CDH13: variants seen among roughly 807,000 people sequenced by gnomAD.
CDH13 encodes cadherin-13.
Under a neutral mutation model 63.8 loss-of-function variants are expected in CDH13, and 24 were observed. The ratio of observed to expected loss-of-function variants is 0.38; its 90% CI spans 0.27 to 0.53. The LOEUF (loss-of-function observed/expected upper bound fraction) is 0.53, where lower values mean the gene tolerates loss of function less well. Ranked by LOEUF, CDH13 falls within the 20% of genes least tolerant of loss-of-function variation. The probability of loss-of-function intolerance (pLI) is 0.85; values close to 1 mark genes in which losing one functional copy is unlikely to be tolerated. For synonymous variants in CDH13, 503 were observed against 355.3 expected, an observed-to-expected ratio of 1.42 and a Z score of -4.67; for missense variants, 1,049 against 903.1, an observed-to-expected ratio of 1.16 and a Z score of -2.07.
At chr16:82,776,960 C>T (rs1453630247) in intron 1 of CDH13, among the ~76,000 whole-genome samples, 1 of 152,188 alleles carries the variant, frequency 6.6e-6, no homozygotes, top group African/African-American at 2.4e-5. Context: ...TCACAGACAT[C>T]TCATTTACAT....
At chr16:83,491,862 C>T (rs1050262986) in intron 7 of CDH13, among the ~76,000 whole-genome samples, 1 of 152,080 alleles carries the variant, frequency 6.6e-6, no homozygotes, top group Non-Finnish European at 1.5e-5. Flanking sequence ...CTTTATAATG[C>T]CCAAATTTTT....
At chr16:83,781,895 T>A (rs1915548527) in intron 12 of CDH13, among the ~76,000 whole-genome samples, 1 of 150,328 alleles carries the variant, frequency 6.7e-6, no homozygotes, top group South Asian at 2.1e-4. Flanking sequence ...GTAACAAACC[T>A]GCACATCCTG....
chr16:83,186,443 C>T (rs111238390), intron 4 of CDH13, among the ~76,000 whole-genome samples: 1,877 of 152,186 alleles, frequency 0.012, 29 homozygotes, highest in African/African-American at 0.042. Flanking sequence ...GGCCTAATGG[C>T]ATCTTAGTCA....
intron 7 of CDH13, among the ~76,000 whole-genome samples, chr16:83,581,344 G>A (rs143016251): frequency 4.3e-4 from 65 of 152,270 alleles, no homozygotes; most frequent in Admixed American, 4.2e-3. Context: ...AGAACCAAGG[G>A]TGACTTTCAG....
chr16:83,080,793 G>A (rs2033175064), intron 3 of CDH13, among the ~76,000 whole-genome samples: 1 of 151,068 alleles, frequency 6.6e-6, no homozygotes, highest in Admixed American at 6.6e-5. Flanking sequence ...TGGGAATCTT[G>A]GCAGAAAATT....
At chr16:82,884,014 G>GTT (rs112749948) in intron 2 of CDH13, among the ~76,000 whole-genome samples, 2 of 151,114 alleles carry the variant, frequency 1.3e-5, no homozygotes, top group African/African-American at 4.9e-5. Context: ...CATCATAGGT[G>GTT]TTTTTTTTTG....
chr16:82,969,073 C>G (rs975165560), intron 2 of CDH13, among the ~76,000 whole-genome samples: 4 of 152,166 alleles, frequency 2.6e-5, no homozygotes, highest in African/African-American at 7.2e-5. Context: ...CATCACTGCA[C>G]TCCAGCCTGG....
At chr16:83,100,832 G>A (rs1437600604) in intron 3 of CDH13, among the ~76,000 whole-genome samples, 12 of 152,170 alleles carry the variant, frequency 7.9e-5, no homozygotes, top group Admixed American at 6.5e-4. Context: ...GTAAATTTCA[G>A]CCCTCAGCCA....
chr16:83,301,651 G>C (rs951668510), intron 5 of CDH13, among the ~76,000 whole-genome samples: 4 of 152,072 alleles, frequency 2.6e-5, no homozygotes, highest in Non-Finnish European at 5.9e-5. Context: ...GAGGCTTTAC[G>C]AAGAGTTTTT....
intron 5 of CDH13, among the ~76,000 whole-genome samples, chr16:83,330,553 C>T (rs777107819): frequency 1.6e-4 from 25 of 152,128 alleles, no homozygotes; most frequent in Non-Finnish European, 3.2e-4. Flanking sequence ...CTCTGGGTCC[C>T]AAGGGACATG....
chr16:82,751,204 A>G (rs1428957974), intron 1 of CDH13, among the ~76,000 whole-genome samples: 2 of 152,246 alleles, frequency 1.3e-5, no homozygotes, highest in Non-Finnish European at 2.9e-5. Context: ...AGAAGGGCAG[A>G]TTCATGGGCT....
At chr16:83,008,636 A>C (rs559415117) in intron 2 of CDH13, among the ~76,000 whole-genome samples, 4 of 152,292 alleles carry the variant, frequency 2.6e-5, no homozygotes, top group African/African-American at 7.2e-5. Flanking sequence ...TGTTGAGACC[A>C]CTGGGTGTGG....
Position 83,426,696 on chromosome 16 carries a change from T to C in CDH13, c.782-59781T>C, listed in dbSNP as rs554605062. 6.6e-5 allele frequency among the ~76,000 whole-genome samples: 10 copies of C among 152,208 alleles called. No individual in the cohort carries two copies. In the East Asian group the frequency reaches 9.7e-4, roughly 15 times the overall value. On this transcript the variant is annotated intron_variant, in intron 6 of 13. Transcript: ENST00000567109. ...GCCTACATGGTGCTTGGCATGTAGA[T>C]AGAATGAGAGATGCTGAATGATAGT...
chr16:83,502,734 G>A (rs1057398842), intron 7 of CDH13, among the ~76,000 whole-genome samples: 1 of 152,174 alleles, frequency 6.6e-6, no homozygotes, highest in Non-Finnish European at 1.5e-5. Context: ...CTTCATGGCC[G>A]TTAGCATTGG....
chr16:82,762,555 C>G (rs551489350), intron 1 of CDH13, among the ~76,000 whole-genome samples: 4 of 152,288 alleles, frequency 2.6e-5, no homozygotes, highest in African/African-American at 7.2e-5. Context: ...AAGCCAGACT[C>G]TCAGCTTTGC....
chr16:83,130,561 T>C (rs2036000586), intron 4 of CDH13, among the ~76,000 whole-genome samples: 1 of 152,240 alleles, frequency 6.6e-6, no homozygotes, highest in South Asian at 2.1e-4. Flanking sequence ...AAAGGAAGTA[T>C]ATTAAAATGT....
At chr16:82,640,515 C>G (rs1909266817) in intron 1 of CDH13, among the ~76,000 whole-genome samples, 1 of 152,184 alleles carries the variant, frequency 6.6e-6, no homozygotes, top group South Asian at 2.1e-4. Context: ...TTAAAGCAGC[C>G]ACAGCCGATA....
At chr16:83,636,450 T>G (rs984046007) in intron 8 of CDH13, among the ~76,000 whole-genome samples, 2 of 152,296 alleles carry the variant, frequency 1.3e-5, no homozygotes, top group Non-Finnish European at 2.9e-5. Context: ...CTCCCCACTT[T>G]TGGAGCCCCC....
intron 2 of CDH13, among the ~76,000 whole-genome samples, chr16:82,915,147 C>T (rs886105525): frequency 2.0e-5 from 3 of 152,216 alleles, no homozygotes; most frequent in Admixed American, 2.0e-4. Flanking sequence ...GCAAAATGGT[C>T]TAATTTGGTG....
Sources: allele counts gnomAD v4.1 joint callset (sites outside exome capture counted in the v4.1 genomes callset), GRCh38; gene constraint gnomAD v4.1.1; transcripts MANE v1.5; gene names NCBI Gene and HGNC (gene_info 2026-07-23, HGNC 2026-07-21).